The following DNAH3 variants were observed in gnomAD, a reference collection of about 807,000 sequenced individuals.
DNAH3 encodes the protein dynein axonemal heavy chain 3, also known as axonemal beta dynein heavy chain 3.
In DNAH3, 332 loss-of-function variants were observed where a neutral mutation model predicts 432.5. The observed-to-expected ratio is 0.77, with a 90% CI of 0.70 to 0.84. The LOEUF (loss-of-function observed/expected upper bound fraction) is 0.84, where lower values mean the gene tolerates loss of function less well. Among genes scored for constraint, DNAH3 ranks in the 40% least tolerant of loss-of-function variants. DNAH3 has a pLI of 0.00. For missense variants in DNAH3, 4,861 were observed against 5,114.0 expected, an observed-to-expected ratio of 0.95 and a Z score of 1.51; for synonymous variants, 1,956 against 1,900.2, an observed-to-expected ratio of 1.03 and a Z score of -0.76.
At chr16:21,151,453 C>A (rs374040643) in intron 1 of DNAH3, among the ~76,000 whole-genome samples, 1 of 151,700 alleles carries the variant, frequency 6.6e-6, no homozygotes, top group South Asian at 2.1e-4. Context: ...CCCACCAGTG[C>A]GCCCAGCTAA....
At chr16:21,106,593 T>C in exon 15 of DNAH3, 2 of 1,611,626 alleles carry the variant, frequency 1.2e-6, no homozygotes, top group Non-Finnish European at 1.7e-6. Context: ...TCTTTAGGAA[T>C]TCAATGAGGG....
At chr16:20,982,685 G>C in intron 49 of DNAH3, 36 bp downstream of exon 49, 1 of 1,548,254 alleles carries the variant, frequency 6.5e-7, no homozygotes, top group Non-Finnish European at 8.8e-7. Context: ...TTCAAATTTG[G>C]AATATCTAGA....
chr16:21,146,000 G>A (rs199721929), exon 2 of DNAH3: 13 of 1,612,262 alleles, frequency 8.1e-6, no homozygotes, highest in African/African-American at 2.7e-5. Context: ...GAGTCCAGAC[G>A]GTTCCTCATT....
intron 58 of DNAH3, among the ~76,000 whole-genome samples, chr16:20,942,871 G>A (rs1489525385): frequency 1.3e-5 from 2 of 152,128 alleles, no homozygotes; most frequent in Non-Finnish European, 2.9e-5. Flanking sequence ...GTCACATGGT[G>A]AGAAAGTTAC....
intron 38 of DNAH3, 25 bp downstream of exon 38, chr16:21,027,002 G>A (rs779050962): frequency 2.1e-5 from 32 of 1,546,500 alleles, no homozygotes; most frequent in Middle Eastern, 3.4e-4. Flanking sequence ...ACTGTCCCCC[G>A]GGGTGCCAGT....
intron 1 of DNAH3, chr16:21,150,521 C>T (rs964774802): frequency 2.5e-5 from 6 of 237,498 alleles, no homozygotes; most frequent in East Asian, 2.2e-4. Flanking sequence ...GACTTTGGCC[C>T]GCTGAGGAGT....
At chr16:21,059,792 A>G (rs2090280495) in intron 26 of DNAH3, among the ~76,000 whole-genome samples, 1 of 151,226 alleles carries the variant, frequency 6.6e-6, no homozygotes, top group Non-Finnish European at 1.5e-5. Context: ...AAAAAAAAAG[A>G]AGAAAGAGAG....
At chr16:21,131,028 T>C (rs2152820444) in intron 7 of DNAH3, among the ~76,000 whole-genome samples, 1 of 152,286 alleles carries the variant, frequency 6.6e-6, no homozygotes, top group South Asian at 2.1e-4. Context: ...GTTATGATGA[T>C]TCCCATTTGC....
At chr16:21,146,703 T>C (rs74667226) in intron 1 of DNAH3, among the ~76,000 whole-genome samples, 15,504 of 152,072 alleles carry the variant, frequency 0.1, 969 homozygotes, top group Non-Finnish European at 0.14. Context: ...TCCATCTAAC[T>C]GAAATTTTAT....
At chr16:21,124,797 C>T (rs1473100408) in intron 9 of DNAH3, among the ~76,000 whole-genome samples, 1 of 152,076 alleles carries the variant, frequency 6.6e-6, no homozygotes, top group Non-Finnish European at 1.5e-5. Flanking sequence ...CTACAGGCAT[C>T]CGCCACCATG....
chr16:20,995,982 C>T (rs1389145), intron 44 of DNAH3, among the ~76,000 whole-genome samples: 28 of 152,210 alleles, frequency 1.8e-4, no homozygotes, highest in Admixed American at 5.2e-4. Context: ...GATAATTGCA[C>T]GTCTTGCAGC....
intron 1 of DNAH3, 53 bp downstream of exon 2, chr16:21,150,237 A>AT (rs1567880246): frequency 2.7e-6 from 1 of 364,348 alleles, no homozygotes; most frequent in Non-Finnish European, 5.2e-6. Context: ...AAAATAAAAA[A>AT]TAAAAAAAAA....
intron 18 of DNAH3, among the ~76,000 whole-genome samples, chr16:21,091,858 C>T (rs544520501): frequency 3.3e-5 from 5 of 152,076 alleles, no homozygotes; most frequent in Non-Finnish European, 7.4e-5. Context: ...ATACTATTTA[C>T]ATTGGCACCC....
chr16:21,019,695 A>G (rs761445310), exon 41 of DNAH3: 18 of 1,614,056 alleles, frequency 1.1e-5, no homozygotes, highest in South Asian at 2.2e-5. Flanking sequence ...ATCCATGCCC[A>G]TGATCAGGTT....
At position 21,057,955 on chromosome 16, in the gene DNAH3, C is replaced by A. The variant is rs1469283294; in HGVS notation, c.3924+131G>T. The A allele has an allele frequency of 1.3e-5, 9 of 670,466 alleles. No individual in the cohort carries two copies. The African/African-American group carries it at 1.4e-4, about 11-fold the overall frequency. The allele number at this position is 670,466 out of a possible 1,614,324, so 41.5% of individuals were successfully genotyped here. On this transcript the variant is annotated intron_variant, in intron 27 of 61. Coordinates refer to ENST00000261383, the Ensembl canonical transcript of DNAH3. ...TCCATCCCACTGTCCTCATGGGAAC[C>A]CTGATGTCTGTGATGCTGAGACCAA...
chr16:20,980,506 G>C (rs1222865382), intron 49 of DNAH3, among the ~76,000 whole-genome samples: 1 of 151,234 alleles, frequency 6.6e-6, no homozygotes, highest in Non-Finnish European at 1.5e-5. Flanking sequence ...CTGAGTAGCT[G>C]AAGTCTCAGG....
chr16:21,013,824 C>A (rs973227497), intron 41 of DNAH3, among the ~76,000 whole-genome samples: 3 of 150,322 alleles, frequency 2.0e-5, no homozygotes, highest in East Asian at 1.9e-4. Context: ...TTTATGCCAA[C>A]AAATTTGATA....
At chr16:21,048,306 T>A (rs998891014) in intron 31 of DNAH3, among the ~76,000 whole-genome samples, 20 of 152,216 alleles carry the variant, frequency 1.3e-4, no homozygotes, top group Non-Finnish European at 2.1e-4. Context: ...GATCTCAGAC[T>A]GCTGTGCTAG....
exon 54 of DNAH3, chr16:20,959,240 G>A: frequency 1.2e-6 from 2 of 1,614,166 alleles, no homozygotes; most frequent in African/African-American, 1.3e-5. Flanking sequence ...TCCAGGGTAG[G>A]CATCCAGCTT....
Sources: allele counts gnomAD v4.1 joint callset (sites outside exome capture counted in the v4.1 genomes callset), GRCh38; gene constraint gnomAD v4.1.1; transcripts MANE v1.5; gene names NCBI Gene and HGNC (gene_info 2026-07-23, HGNC 2026-07-21).